ADGRV1: variants seen among roughly 807,000 people sequenced by gnomAD.
ADGRV1 encodes adhesion G protein-coupled receptor V1.
Under a neutral mutation model 596.2 loss-of-function variants are expected in ADGRV1, and 359 were observed. The ratio of observed to expected loss-of-function variants is 0.60; its 90% confidence interval spans 0.55 to 0.66. ADGRV1 has a LOEUF of 0.66. ADGRV1 is among the 30% of genes least tolerant of loss of function. ADGRV1 has a pLI of 0.00. For synonymous variants in ADGRV1, 2,681 were observed against 2,679.2 expected, an observed-to-expected ratio of 1.00 and a Z score of -0.02; for missense variants, 7,274 against 7,575.6, an observed-to-expected ratio of 0.96 and a Z score of 1.48.
At chr5:90,676,388 A>AT (rs1270088297) in intron 25 of ADGRV1, among the ~76,000 whole-genome samples, 179 bp downstream of exon 25, 6 of 152,300 alleles carry the variant, frequency 3.9e-5, no homozygotes, top group African/African-American at 1.4e-4. Flanking sequence ...ATGATAATAT[A>AT]TACCATAATA....
chr5:91,022,057 A>T (rs1783677695), intron 85 of ADGRV1, among the ~76,000 whole-genome samples: 1 of 152,116 alleles, frequency 6.6e-6, no homozygotes, highest in Non-Finnish European at 1.5e-5. Context: ...CAAACAAATG[A>T]TAGCGCATGC....
intron 85 of ADGRV1, among the ~76,000 whole-genome samples, chr5:91,039,054 T>C (rs1235865128): frequency 6.6e-6 from 1 of 152,200 alleles, no homozygotes; most frequent in Non-Finnish European, 1.5e-5. Context: ...ATAGTTGATA[T>C]TCAACCATAT....
intron 4 of ADGRV1, among the ~76,000 whole-genome samples, chr5:90,619,452 T>G (rs1031680812): frequency 6.6e-6 from 1 of 152,194 alleles, no homozygotes; most frequent in African/African-American, 2.4e-5. Context: ...TTAACTCTTC[T>G]GTCTTTAACT....
At chr5:90,748,379 ATATTT>A (rs1754860038) in intron 52 of ADGRV1, among the ~76,000 whole-genome samples, 1 of 152,258 alleles carries the variant, frequency 6.6e-6, no homozygotes, top group South Asian at 2.1e-4. Flanking sequence ...TGATTTTAAT[ATATTT>A]TATTTAACCC....
At chr5:90,874,679 G>A (rs889278832) in intron 83 of ADGRV1, among the ~76,000 whole-genome samples, 1 of 151,894 alleles carries the variant, frequency 6.6e-6, no homozygotes, top group Non-Finnish European at 1.5e-5. Context: ...GGCTAACATG[G>A]TGAAACCCCG....
intron 78 of ADGRV1, among the ~76,000 whole-genome samples, chr5:90,847,941 C>T (rs748021557): frequency 1.2e-4 from 19 of 152,288 alleles, no homozygotes; most frequent in Non-Finnish European, 2.1e-4. Flanking sequence ...TCCTCAAGCG[C>T]GGCCAGAGTG....
chr5:90,910,599 C>CTATA (rs1772796951), intron 83 of ADGRV1, among the ~76,000 whole-genome samples: 1 of 129,654 alleles, frequency 7.7e-6, no homozygotes, highest in Non-Finnish European at 1.7e-5. Flanking sequence ...ATCTATCTAT[C>CTATA]TATACACCCG....
intron 85 of ADGRV1, among the ~76,000 whole-genome samples, chr5:91,049,456 A>G (rs945045382): frequency 6.6e-6 from 1 of 152,198 alleles, no homozygotes; most frequent in African/African-American, 2.4e-5. Context: ...AAGTCTTAAA[A>G]CTTTCCATAT....
At chr5:90,636,977 C>T (rs776660951) in intron 10 of ADGRV1, among the ~76,000 whole-genome samples, 18 of 152,026 alleles carry the variant, frequency 1.2e-4, no homozygotes, top group Admixed American at 4.6e-4. Context: ...AGTGTACTGC[C>T]CTTGAATGAA....
chr5:90,651,919 T>C (rs1424492558), intron 18 of ADGRV1, among the ~76,000 whole-genome samples, 189 bp downstream of exon 18: 2 of 152,156 alleles, frequency 1.3e-5, no homozygotes, highest in African/African-American at 2.4e-5. Flanking sequence ...AAAAATCTTT[T>C]AGCTAGTAAG....
intron 42 of ADGRV1, among the ~76,000 whole-genome samples, chr5:90,714,445 CTCT>C (rs1184863519): frequency 1.3e-5 from 2 of 151,556 alleles, no homozygotes; most frequent in African/African-American, 4.8e-5. Context: ...ATTATAATGT[CTCT>C]TATTATAAAA....
At chr5:90,612,876 T>C (rs907588487) in intron 1 of ADGRV1, among the ~76,000 whole-genome samples, 11 of 152,054 alleles carry the variant, frequency 7.2e-5, no homozygotes, top group Admixed American at 7.2e-4. Flanking sequence ...CCTCACACTC[T>C]AGGACAGTAA....
intron 84 of ADGRV1, among the ~76,000 whole-genome samples, chr5:90,966,079 A>G (rs142853546): frequency 1.2e-3 from 186 of 152,282 alleles, no homozygotes; most frequent in Middle Eastern, 3.4e-3. Flanking sequence ...GTTGTGGGGA[A>G]TGCAGAAGTT....
intron 4 of ADGRV1, among the ~76,000 whole-genome samples, chr5:90,621,655 C>A (rs912562517): frequency 2.0e-5 from 3 of 152,080 alleles, no homozygotes; most frequent in Admixed American, 2.0e-4. Flanking sequence ...GGGAATGAAT[C>A]CTAGTTTCTG....
In ADGRV1 at chr5:91,008,713, C is replaced by T. The variant is rs181926882; in HGVS notation, c.18152+23191C>T. ...GAGAGGGGGTCTAACCATGTTGAGG[C>T]GGGTCACAAACTCCTGACCTCAAGA... On this transcript the variant is annotated intron_variant, in intron 85 of 89. Coordinates refer to ENST00000405460, the MANE Select transcript of ADGRV1 (RefSeq NM_032119.4). Among the ~76,000 whole-genome samples the T allele has an allele frequency of 1.8e-4, 28 of 151,850 alleles. No individual in the cohort carries two copies. In the East Asian group the frequency reaches 4.1e-3, roughly 22 times the overall value.
chr5:90,675,396 C>T lies in ADGRV1; in HGVS notation c.5264C>T (p.Ala1755Val), dbSNP rs185971062. 84 of 1,613,696 alleles carry T rather than the reference C, an allele frequency of 5.2e-5. 2 individuals are homozygous for T. In the Middle Eastern group the frequency reaches 1.5e-3, roughly 29 times the overall value. ...RAQGLLGRVT[A>V]EFRTVSLTAF... ...CAGGGACTTCTGGGAAGGGTGACTG[C>T]GGAATTTAGAACAGTGTCCTTGACA... The change falls in exon 24 of 90, where the codon GCG (alanine) becomes GTG (valine). Residue 1755 changes from alanine to valine, a missense_variant. Transcript: ENST00000405460.
At chr5:90,702,479 A>G (rs1040291851) in intron 34 of ADGRV1, among the ~76,000 whole-genome samples, 3 of 151,942 alleles carry the variant, frequency 2.0e-5, no homozygotes, top group African/African-American at 4.8e-5. Context: ...TAAATTTAGT[A>G]TGAAAAATTA....
intron 85 of ADGRV1, among the ~76,000 whole-genome samples, chr5:90,993,405 C>T (rs755171852): frequency 5.7e-4 from 86 of 152,196 alleles, no homozygotes; most frequent in Non-Finnish European, 1.1e-3. Flanking sequence ...GATCCACCCA[C>T]CTCAGCCTCC....
chr5:90,829,857 T>C (rs1447421754), intron 77 of ADGRV1, among the ~76,000 whole-genome samples: 29 of 152,134 alleles, frequency 1.9e-4, no homozygotes. Context: ...AGTATGATTG[T>C]TAGGATCATA....
Sources: allele counts gnomAD v4.1 joint callset (sites outside exome capture counted in the v4.1 genomes callset), GRCh38; gene constraint gnomAD v4.1.1; transcripts MANE v1.5; gene names NCBI Gene and HGNC (gene_info 2026-07-23, HGNC 2026-07-21).